Variants in NAA30 observed in about 807,000 individuals in gnomAD.
NAA30 encodes the protein N-alpha-acetyltransferase 30.
Under a neutral mutation model 31.4 loss-of-function variants are expected in NAA30, and 5 were observed. The ratio of observed to expected loss-of-function variants is 0.16; its 90% CI spans 0.08 to 0.33. The LOEUF (loss-of-function observed/expected upper bound fraction) is 0.33, where lower values mean the gene tolerates loss of function less well. Ranked by LOEUF, NAA30 falls within the 10% of genes least tolerant of loss-of-function variation. The pLI is 1.00. For synonymous variants in NAA30, 222 were observed against 207.1 expected (o/e 1.07, Z -0.62); for missense variants, 428 against 490.8 (o/e 0.87, Z 1.21).
At position 57,402,868 on chromosome 14, in the gene NAA30, A is replaced by T. The variant is rs2066482621; in HGVS notation, c.951+2985A>T. 2.0e-5 allele frequency among the ~76,000 whole-genome samples: 3 copies of T among 152,218 alleles called. No homozygotes were observed. In the South Asian group the frequency reaches 6.2e-4, roughly 32 times the overall value. On this transcript the variant is annotated intron_variant, in intron 4 of 4. Coordinates refer to ENST00000556492, the MANE Select transcript of NAA30 (RefSeq NM_001011713.3). The stretch of plus-strand genomic sequence containing the variant: ...ATTCTTACAAAGAGAGAGATTTTAA[A>T]ATCTGTGAACCTTTTAATAGAGGTA...
rs755417614 is a variant in NAA30, at chr14:57,391,379, C to T, written c.422C>T (p.Ser141Phe). The change falls in exon 2 of 5, where the codon TCC becomes TTC. Residue 141 changes from serine to phenylalanine, a missense_variant. Ser to Phe is a radical substitution (Grantham distance 155). Transcript: ENST00000556492. This position sits in a 1 kb window ranked among gnomAD's most constrained non-coding sequence, Gnocchi z 4.1. ...CACTCGGGCGAGAGGCCCCCTCACT[C>T]CCTCTCTAGTAATGCAAGAACTGCG... ...GVHSGERPPH[S>F]LSSNARTAVP... 6.2e-7 allele frequency: 1 copy of T among 1,610,462 alleles called. No individual in the cohort carries two copies. Among genetic ancestry groups the T allele is most frequent in the Admixed American group, 1.7e-5 (1 of 59,458 alleles).
intron 2 of NAA30, among the ~76,000 whole-genome samples, chr14:57,394,973 T>C (rs745456854): frequency 2.0e-5 from 3 of 152,198 alleles, no homozygotes; most frequent in Non-Finnish European, 2.9e-5. Context: ...TAATTTTATG[T>C]ATGTGTATGT....
At position 57,415,036 on chromosome 14, in the gene NAA30, T is replaced by G. The variant is rs2066541468; in HGVS notation, c.*5520T>G. 1 of 152,204 alleles carries G rather than the reference T, an allele frequency of 6.6e-6. No homozygotes were observed. 9.4% of individuals were successfully genotyped at this position (152,204 alleles called of 1,614,324 possible). A position where few individuals can be genotyped will look rare whatever the true frequency, so the allele number is the denominator to read the frequency against. ...AAATAAGCTTATTTTTAGATATGGA[T>G]TTTTTATGACTACCTCTTTGCTGTA... On this transcript the variant is annotated 3_prime_UTR_variant, in exon 5 of 5. Coordinates refer to ENST00000556492, the MANE Select transcript of NAA30 (RefSeq NM_001011713.3).
chr14:57,407,378 A>G (rs2066502235), intron 4 of NAA30, among the ~76,000 whole-genome samples: 2 of 152,190 alleles, frequency 1.3e-5, no homozygotes, highest in Admixed American at 1.3e-4. Context: ...CTTACCAGCT[A>G]GGAGAGATGA....
intron 4 of NAA30, among the ~76,000 whole-genome samples, chr14:57,404,351 C>T (rs936776952): frequency 6.6e-6 from 1 of 151,950 alleles, no homozygotes; most frequent in African/African-American, 2.4e-5. Flanking sequence ...GTTTTTAGGT[C>T]GATTACTGTG....
rs771442828 is a variant in NAA30 at position 57,399,778 on chromosome 14, T to C, written c.896-50T>C. 7.4e-6 allele frequency: 7 copies of C among 951,704 alleles called. No individual in the cohort carries two copies. The South Asian group carries it at 9.8e-5, about 13-fold the overall frequency. 59.0% of individuals were successfully genotyped at this position (951,704 alleles called of 1,614,324 possible). On this transcript the variant is annotated intron_variant, in intron 3 of 4. Coordinates refer to ENST00000556492, the MANE Select transcript of NAA30 (RefSeq NM_001011713.3). ...CTTACGAATATTATAATTTAGGTTA[T>C]CTTTAAGAAATACATTTTTCCTTCA...
Position 57,415,520 on chromosome 14 carries a change from A to G in NAA30, c.*6004A>G, listed in dbSNP as rs558408116. ...GAAAGCTAGTTGTAATAATTTGTAA[A>G]AATGCGTGTATTTTTAGGAATGCGC... On this transcript the variant is annotated 3_prime_UTR_variant, in exon 5 of 5. Coordinates refer to ENST00000556492, the MANE Select transcript of NAA30 (RefSeq NM_001011713.3). The G allele has an allele frequency of 1.8e-4, 27 of 152,314 alleles. No homozygotes were observed. The East Asian group carries it at 5.2e-3, about 29-fold the overall frequency. The allele number at this position is 152,314 out of a possible 1,614,324, so 9.4% of individuals were successfully genotyped here.
chr14:57,401,796 A>G (rs945496101), intron 4 of NAA30, among the ~76,000 whole-genome samples: 2 of 152,246 alleles, frequency 1.3e-5, no homozygotes, highest in Non-Finnish European at 2.9e-5. Context: ...CTTTTCATGT[A>G]AAGATGTCAG....
At position 57,414,167 on chromosome 14, in the gene NAA30, G is replaced by A. The variant is rs1005195134; in HGVS notation, c.*4651G>A. On this transcript the variant is annotated 3_prime_UTR_variant, in exon 5 of 5. Coordinates refer to ENST00000556492, the MANE Select transcript of NAA30 (RefSeq NM_001011713.3). ...GGTGGCTCACGCCTATTATCCCAGC[G>A]TTTTGGGAGGCTGAGATGGTAGTTT... 6 of 152,212 alleles carry A rather than the reference G, an allele frequency of 3.9e-5. No individual in the cohort carries two copies. Among genetic ancestry groups the A allele is most frequent in the South Asian group, 2.1e-4 (1 of 4,826 alleles). The allele number at this position is 152,212 out of a possible 1,614,324, so 9.4% of individuals were successfully genotyped here.
At position 57,415,688 on chromosome 14, in the gene NAA30, G is replaced by A. The variant is rs1244782815; in HGVS notation, c.*6172G>A. 1 of 152,136 alleles carries A rather than the reference G, an allele frequency of 6.6e-6. No homozygotes were observed. The highest frequency in any genetic ancestry group is 6.6e-5 in the Admixed American group (1 of 15,264). The allele number at this position is 152,136 out of a possible 1,614,324, so 9.4% of individuals were successfully genotyped here. On this transcript the variant is annotated 3_prime_UTR_variant, in exon 5 of 5. Coordinates refer to ENST00000556492, the MANE Select transcript of NAA30 (RefSeq NM_001011713.3). ...CTCAGAGGACTCAATGCCCTAACATGTAGGGGATTGATCATTGCGATGTTT... is the reference window on the plus strand; with the variant it reads ...CTCAGAGGACTCAATGCCCTAACATATAGGGGATTGATCATTGCGATGTTT...
chr14:57,405,974 T>C (rs1211060307), intron 4 of NAA30, among the ~76,000 whole-genome samples: 1 of 152,232 alleles, frequency 6.6e-6, no homozygotes, highest in African/African-American at 2.4e-5. Flanking sequence ...CAAGTTTCTT[T>C]AGGACCAAAA....
Position 57,413,933 on chromosome 14 carries a change from G to A in NAA30, c.*4417G>A, listed in dbSNP as rs2066535620. The A allele has an allele frequency of 6.6e-6, 1 of 152,200 alleles. No individual in the cohort carries two copies. Among genetic ancestry groups the A allele is most frequent in the Non-Finnish European group, 1.5e-5 (1 of 68,044 alleles). The allele number at this position is 152,200 out of a possible 1,614,324, so 9.4% of individuals were successfully genotyped here. A position where few individuals can be genotyped will look rare whatever the true frequency, so the allele number is the denominator to read the frequency against. Reference sequence around the variant, plus strand: ...ATGTGTCCTTTTCACTCCCCAGTATGGTAGTTACTAGTCACATGTGTAGCT... The same window carrying A: ...ATGTGTCCTTTTCACTCCCCAGTATAGTAGTTACTAGTCACATGTGTAGCT... On this transcript the variant is annotated 3_prime_UTR_variant, in exon 5 of 5. Coordinates refer to ENST00000556492, the MANE Select transcript of NAA30 (RefSeq NM_001011713.3).
chr14:57,404,972 G>T (rs1421518546), intron 4 of NAA30, among the ~76,000 whole-genome samples: 1 of 151,900 alleles, frequency 6.6e-6, no homozygotes, highest in Non-Finnish European at 1.5e-5. Context: ...TTCTTTTTTT[G>T]TTGCGTACAT....
rs1302089237 is a variant in NAA30 at position 57,391,115 on chromosome 14, G to A, written c.158G>A (p.Ser53Asn). The A allele has an allele frequency of 1.3e-6, 2 of 1,579,242 alleles. No homozygotes were observed. Among genetic ancestry groups the A allele is most frequent in the East Asian group, 4.5e-5 (2 of 44,068 alleles). Residue 53 changes from serine (S) to asparagine (N), a missense_variant, in exon 2 of 5, where the codon AGC (serine) becomes AAC (asparagine). By Grantham distance (46) the Ser-to-Asn change is conservative. Around this residue, in one of 2 missense-constraint regions of NAA30, gnomAD observed 349 missense variants for 310.4 expected, o/e 1.12. Coordinates refer to ENST00000556492, the MANE Select transcript of NAA30 (RefSeq NM_001011713.3). This position sits in a 1 kb window ranked among gnomAD's most constrained non-coding sequence, Gnocchi z 4.1. ...GACGAAGAGCACGAAGGCGGCGGCAGCAGGAGCCCGGCGGGCGGAGAGTCG... is the reference window on the plus strand; with the variant it reads ...GACGAAGAGCACGAAGGCGGCGGCAACAGGAGCCCGGCGGGCGGAGAGTCG... The part of the protein sequence containing the change: ...EDDEEHEGGG[S>N]RSPAGGESAT...
At chr14:57,406,432 C>T (rs1223991141) in intron 4 of NAA30, among the ~76,000 whole-genome samples, 1 of 152,142 alleles carries the variant, frequency 6.6e-6, no homozygotes, top group Non-Finnish European at 1.5e-5. Flanking sequence ...GGGGGAGGTA[C>T]AGTAGAGTAG....
In NAA30 at chr14:57,411,537, C is replaced by A. The variant is rs1222540033; in HGVS notation, c.*2021C>A. 1.3e-5 allele frequency: 2 copies of A among 152,060 alleles called. No homozygotes were observed. Among genetic ancestry groups the A allele is most frequent in the Non-Finnish European group, 2.9e-5 (2 of 67,966 alleles). The allele number at this position is 152,060 out of a possible 1,614,324, so 9.4% of individuals were successfully genotyped here. Reference sequence around the variant, plus strand: ...AGGGATGGTTGTAAAGTAGATAGATCATTGGTTCAACCATTTTAGTGTTTT... The same window carrying A: ...AGGGATGGTTGTAAAGTAGATAGATAATTGGTTCAACCATTTTAGTGTTTT... On this transcript the variant is annotated 3_prime_UTR_variant, in exon 5 of 5. Coordinates refer to ENST00000556492, the MANE Select transcript of NAA30 (RefSeq NM_001011713.3).
chr14:57,409,233 T>G lies in NAA30; in HGVS notation c.952-146T>G. Reference sequence around the variant, plus strand: ...AATATAATATTACAATCTTGATGACTGTTTTTGAGTTCTTTCTGTATATTA... The same window carrying G: ...AATATAATATTACAATCTTGATGACGGTTTTTGAGTTCTTTCTGTATATTA... On this transcript the variant is annotated intron_variant, in intron 4 of 4. Transcript: ENST00000556492. 1.3e-5 allele frequency: 9 copies of G among 669,670 alleles called. 1 individual carries two copies. In the South Asian group the frequency reaches 2.0e-4, roughly 15 times the overall value. The allele number at this position is 669,670 out of a possible 1,614,324, so 41.5% of individuals were successfully genotyped here.
At chr14:57,399,772 A>AT in intron 3 of NAA30, 56 bp from the exon 4 acceptor site, 2 of 904,794 alleles carry the variant, frequency 2.2e-6, no homozygotes, top group Non-Finnish European at 3.6e-6. Flanking sequence ...ATTATAATTT[A>AT]GGTTATCTTT....
intron 2 of NAA30, among the ~76,000 whole-genome samples, chr14:57,396,192 C>T (rs1350311773): frequency 6.6e-6 from 1 of 152,154 alleles, no homozygotes; most frequent in Non-Finnish European, 1.5e-5. Context: ...CCACGCTGAT[C>T]TCAAACCCCT....
Sources: allele counts gnomAD v4.1 joint callset (sites outside exome capture counted in the v4.1 genomes callset), GRCh38; gene constraint gnomAD v4.1.1; regional missense constraint gnomAD v4.1.1; non-coding constraint Gnocchi (gnomAD v3.1); transcripts MANE v1.5; gene names NCBI Gene and HGNC (gene_info 2026-07-23, HGNC 2026-07-21).